The following ERAP2 variants were observed in gnomAD, a reference collection of about 807,000 sequenced individuals.
The protein encoded by ERAP2 is leukocyte-derived arginine aminopeptidase.
Under a neutral mutation model 111.1 loss-of-function variants are expected in ERAP2, and 118 were observed. The ratio of observed to expected loss-of-function variants is 1.06; its 90% CI spans 0.92 to 1.24. The LOEUF (loss-of-function observed/expected upper bound fraction) is 1.24, where lower values mean the gene tolerates loss of function less well. ERAP2 is among the 50% of genes most tolerant of loss of function. The probability of loss-of-function intolerance (pLI) is 0.00; values close to 1 mark genes in which losing one functional copy is unlikely to be tolerated. For synonymous variants in ERAP2, 410 were observed against 401.2 expected (o/e 1.02, Z -0.26); for missense variants, 1,131 against 1,125.8 (o/e 1.00, Z -0.07).
intron 17 of ERAP2, 42 bp from the exon 18 acceptor site, chr5:96,915,646 A>T: frequency 8.4e-7 from 1 of 1,193,222 alleles, no homozygotes; most frequent in Non-Finnish European, 1.2e-6. Flanking sequence ...ACATAAGGTC[A>T]GTATTTCTAT....
intron 18 of ERAP2, chr5:96,915,972 C>T (rs531835939): frequency 7.8e-5 from 29 of 373,270 alleles, no homozygotes; most frequent in South Asian, 1.5e-4. Flanking sequence ...CCTGTAATCC[C>T]ACCACTTTGG....
In ERAP2 at chr5:96,879,693, A is replaced by C. The variant is rs201803905; in HGVS notation, c.8A>C (p.His3Pro). 1 of 1,613,010 alleles carries C rather than the reference A, an allele frequency of 6.2e-7. No individual in the cohort carries two copies. Among genetic ancestry groups the C allele is most frequent in the East Asian group, 2.2e-5 (1 of 44,848 alleles). Residue 3 changes from histidine (H) to proline (P), a missense_variant, in exon 2 of 19, where the codon CAT becomes CCT. His to Pro is a moderately conservative substitution (Grantham distance 77). Coordinates refer to ENST00000437043, the MANE Select transcript of ERAP2 (RefSeq NM_022350.5). MFHSSAMVNSHRK... is the reference protein window; with the variant it reads MFPSSAMVNSHRK... ...TTCTAGAGAATAGATTTCATGTTCCATTCTTCTGCAATGGTTAATTCACAC... is the reference window on the plus strand; with the variant it reads ...TTCTAGAGAATAGATTTCATGTTCCCTTCTTCTGCAATGGTTAATTCACAC...
chr5:96,900,194 G>C lies in ERAP2; in HGVS notation c.1572+5G>C, dbSNP rs972746563. 1.9e-6 allele frequency: 3 copies of C among 1,613,512 alleles called. No homozygotes were observed. The highest frequency in any genetic ancestry group is 2.2e-5 in the South Asian group (2 of 91,066). On this transcript the variant is annotated splice_donor_5th_base_variant and intron_variant, in intron 10 of 18. Transcript: ENST00000437043. ...CCCAAGATGACAAGTAACATGGTAA[G>C]GATAAAGAGAGTCACAGAGTAGAAG...
At chr5:96,884,420 G>A (rs1392965267) in intron 3 of ERAP2, among the ~76,000 whole-genome samples, 1 of 152,200 alleles carries the variant, frequency 6.6e-6, no homozygotes, top group Non-Finnish European at 1.5e-5. Flanking sequence ...AAGGACCTCA[G>A]GGACCCTGCA....
intron 15 of ERAP2, among the ~76,000 whole-genome samples, chr5:96,911,437 A>C (rs963971528): frequency 1.3e-5 from 2 of 152,202 alleles, no homozygotes; most frequent in African/African-American, 4.8e-5. Flanking sequence ...ATAAAAATCA[A>C]AATAGTGGTG....
intron 13 of ERAP2, among the ~76,000 whole-genome samples, chr5:96,907,215 A>G (rs1379871012): frequency 1.3e-5 from 2 of 152,218 alleles, no homozygotes; most frequent in Non-Finnish European, 2.9e-5. Flanking sequence ...TTCAGATAAC[A>G]TTCTATGCAT....
In ERAP2 at chr5:96,889,271, G is replaced by A; in HGVS notation, c.936G>A (p.Lys312=). ...ASLKLLDFYE[K]YFDIYYPLSK... ...TGAAGCTACTTGATTTTTATGAAAA[G>A]TACTTTGATATCTACTATCCACTCT... is the stretch of plus-strand genomic sequence containing the variant. The change falls in exon 5 of 19, where the codon AAG becomes AAA. Residue 312 remains lysine (K), a synonymous_variant. Coordinates refer to ENST00000437043, the MANE Select transcript of ERAP2 (RefSeq NM_022350.5). 6.2e-7 allele frequency: 1 copy of A among 1,613,968 alleles called. No homozygotes were observed. Among genetic ancestry groups the A allele is most frequent in the Non-Finnish European group, 8.5e-7 (1 of 1,179,846 alleles).
chr5:96,909,235 G>A, intron 14 of ERAP2, 118 bp downstream of exon 14: 4 of 909,438 alleles, frequency 4.4e-6, no homozygotes, highest in Non-Finnish European at 6.8e-6. Flanking sequence ...TCGGGGGACT[G>A]ACTGATAGCA....
At chr5:96,907,435 T>G (rs1786213592) in intron 13 of ERAP2, among the ~76,000 whole-genome samples, 2 of 152,334 alleles carry the variant, frequency 1.3e-5, no homozygotes, top group African/African-American at 4.8e-5. Flanking sequence ...TAATATAAAG[T>G]AGTTTTAATA....
At chr5:96,877,286 T>C (rs771041280) in intron 1 of ERAP2, among the ~76,000 whole-genome samples, 1 of 152,222 alleles carries the variant, frequency 6.6e-6, no homozygotes, top group Non-Finnish European at 1.5e-5. Flanking sequence ...TGTTTCTTTA[T>C]CTGAACACTA....
At chr5:96,877,977 A>C (rs1021816611) in intron 1 of ERAP2, among the ~76,000 whole-genome samples, 2 of 152,232 alleles carry the variant, frequency 1.3e-5, no homozygotes, top group Non-Finnish European at 2.9e-5. Flanking sequence ...TAAGGATTAT[A>C]AAAAGAAGAA....
At position 96,908,952 on chromosome 5, in the gene ERAP2, A is replaced by G; in HGVS notation, c.2013-9A>G. ...TGCACAAACCACTGACATTTGTTTT[A>G]TACTTCAGTGCAGGGAGACTGACCC... is the stretch of plus-strand genomic sequence containing the variant. On this transcript the variant is annotated splice_polypyrimidine_tract_variant and intron_variant, in intron 13 of 18. Coordinates refer to ENST00000437043, the MANE Select transcript of ERAP2 (RefSeq NM_022350.5). 1 of 1,610,594 alleles carries G rather than the reference A, an allele frequency of 6.2e-7. No homozygotes were observed. The highest frequency in any genetic ancestry group is 8.5e-7 in the Non-Finnish European group (1 of 1,178,820).
chr5:96,895,441 C>G lies in ERAP2; in HGVS notation c.1239+82C>G, dbSNP rs192372861. On this transcript the variant is annotated intron_variant, in intron 7 of 18. Transcript: ENST00000437043. The stretch of plus-strand genomic sequence containing the variant: ...ATTAAAATTTCAAGTGAATGTTAAA[C>G]AGAAAAACTACATAATGTTGTGGTT... The G allele has an allele frequency of 6.0e-5, 58 of 972,304 alleles. No homozygotes were observed. In the African/African-American group the frequency reaches 7.1e-4, roughly 12 times the overall value. The allele number at this position is 972,304 out of a possible 1,614,324, so 60.2% of individuals were successfully genotyped here.
At chr5:96,901,356 G>C in intron 10 of ERAP2, 150 bp from the exon 11 acceptor site, 1 of 800,960 alleles carries the variant, frequency 1.2e-6, no homozygotes, top group Non-Finnish European at 2.0e-6. Flanking sequence ...CCCTAATCCA[G>C]TTGCCTGGAT....
At chr5:96,882,585 A>T (rs185311465) in intron 2 of ERAP2, among the ~76,000 whole-genome samples, 11 of 152,358 alleles carry the variant, frequency 7.2e-5, no homozygotes, top group Admixed American at 6.5e-4. Context: ...CACACTTTGC[A>T]TGTAGAGTTC....
chr5:96,899,559 C>T (rs1455599052), intron 9 of ERAP2, among the ~76,000 whole-genome samples: 1 of 152,138 alleles, frequency 6.6e-6, no homozygotes, highest in Admixed American at 6.5e-5. Flanking sequence ...ACTGGTTATT[C>T]AAGGGTCAAT....
At chr5:96,912,971 AG>A (rs1786967577) in intron 16 of ERAP2, among the ~76,000 whole-genome samples, 173 bp downstream of exon 16, 1 of 152,260 alleles carries the variant, frequency 6.6e-6, no homozygotes, top group Non-Finnish European at 1.5e-5. Context: ...TAGTGAAAAC[AG>A]GTATTCCCTA....
At chr5:96,912,246 A>G (rs1470461582) in intron 15 of ERAP2, among the ~76,000 whole-genome samples, 1 of 151,072 alleles carries the variant, frequency 6.6e-6, no homozygotes, top group Non-Finnish European at 1.5e-5. Flanking sequence ...GTGATAAAAA[A>G]GCATCAAGTA....
At chr5:96,895,037 A>G (rs1278998932) in intron 6 of ERAP2, among the ~76,000 whole-genome samples, 1 of 152,104 alleles carries the variant, frequency 6.6e-6, no homozygotes, top group Admixed American at 6.6e-5. Flanking sequence ...CACAAAAAAA[A>G]GAAAAAAGAA....
Sources: gnomAD v4.1 joint callset for allele counts (sites outside exome capture counted in the v4.1 genomes callset) on GRCh38, gnomAD v4.1.1 for gene constraint, MANE v1.5 for transcripts, NCBI Gene and HGNC (gene_info 2026-07-23, HGNC 2026-07-21) for gene names.